The following MRPL28 variants were observed in gnomAD, a reference collection of about 807,000 sequenced individuals.
MRPL28 encodes the protein large ribosomal subunit protein bL28m.
MRPL28 carries 25 observed loss-of-function variants against 26.2 expected under a neutral mutation model. The observed-to-expected ratio is 0.95, with a 90% CI of 0.69 to 1.33. The LOEUF (loss-of-function observed/expected upper bound fraction) is 1.33. Among genes scored for constraint, MRPL28 ranks in the 40% most tolerant of loss-of-function variants. The pLI, the probability that MRPL28 is intolerant of heterozygous loss-of-function variation, is 0.00. For missense variants in MRPL28, 432 were observed against 327.2 expected (o/e 1.32, Z -2.47); for synonymous variants, 227 against 140.1 (o/e 1.62, Z -4.38).
rs766700564 is a variant in MRPL28 at position 370,083 on chromosome 16, G to A, written c.136C>T (p.His46Tyr). 1.1e-5 allele frequency: 17 copies of A among 1,612,056 alleles called. No individual in the cohort carries two copies. Among genetic ancestry groups the A allele is most frequent in the Non-Finnish European group, 1.1e-5 (13 of 1,179,524 alleles). Residue 46 changes from histidine to tyrosine, a missense_variant, in exon 2 of 6, where the codon CAT becomes TAT. Physicochemically the swap from His to Tyr is moderately conservative, Grantham distance 83. Coordinates refer to ENST00000199706, the MANE Select transcript of MRPL28 (RefSeq NM_006428.5). ...RTPTPVHYRP[H>Y]GAKFKINPKN... Reference sequence around the variant, plus strand: ...GGGTTGATCTTGAACTTGGCCCCATGAGGCCTATAGTGCACGGGAGTGGGC... The same window carrying A: ...GGGTTGATCTTGAACTTGGCCCCATAAGGCCTATAGTGCACGGGAGTGGGC...
In MRPL28 at chr16:370,115, T is replaced by A; in HGVS notation, c.104A>T (p.Glu35Val). 6.2e-7 allele frequency: 1 copy of A among 1,609,496 alleles called. No individual in the cohort carries two copies. Among genetic ancestry groups the A allele is most frequent in the East Asian group, 2.2e-5 (1 of 44,760 alleles). ...PGHYLRSLEE[E>V]RTPTPVHYRP... ...ATAGTGCACGGGAGTGGGCGTCCGC[T>A]CCTCCTCCAGGGAGCGCAGGTAGTG... The change falls in exon 2 of 6, where the codon GAG (glutamate) becomes GTG (valine). Residue 35 changes from glutamate to valine, a missense_variant. Transcript: ENST00000199706.
At chr16:368,865 C>T in intron 3 of MRPL28, 1 of 980,098 alleles carries the variant, frequency 1.0e-6, no homozygotes, top group Non-Finnish European at 1.5e-6. Context: ...GCAAGTCAGC[C>T]ACCCACAGAG....
In MRPL28 at chr16:367,728, G is replaced by A. The variant is rs773547084; in HGVS notation, c.718C>T (p.Gln240Ter). The A allele has an allele frequency of 1.4e-5, 22 of 1,613,762 alleles. No homozygotes were observed. The highest frequency in any genetic ancestry group is 1.9e-5 in the Non-Finnish European group (22 of 1,180,036). Residue 240 changes from glutamine (Q) to a stop codon, truncating the protein, a stop_gained, in exon 6 of 6, where the codon CAG becomes TAG. Transcript: ENST00000199706. LOFTEE classifies it high-confidence loss of function. The part of the protein sequence containing the change: ...YVAELIQQLQ[Q>*]QALSEPAVVQ... ...ACCGCCGGCTCTGACAGTGCCTGCT[G>A]CTGCAGCTGCTGGATCAGCTCCGCC...
intron 1 of MRPL28, 87 bp from the exon 2 acceptor site, chr16:370,312 G>GCTACCCCGGCCCCCGGCTCTCACCTC (rs2054314066): frequency 1.9e-6 from 1 of 536,866 alleles, no homozygotes; most frequent in Non-Finnish European, 2.3e-6. Context: ...ACTCTCACCC[G>GCTACCCCGGCCCCCGGCTCTCACCTC]CTACCCCGGC....
Position 370,159 on chromosome 16 carries a change from G to A in MRPL28, c.60C>T (p.Ile20=). 6 of 1,601,676 alleles carry A rather than the reference G, an allele frequency of 3.7e-6. No individual in the cohort carries two copies. Among genetic ancestry groups the A allele is most frequent in the Non-Finnish European group, 4.2e-6 (5 of 1,176,480 alleles). ...LWKRLQLREG[I]CSRLPGHYLR... ...GGTAGTGGCCGGGCAGGCGGGAACA[G>A]ATGCCCTCCCGCAGCTGCAGCCGCT... The change falls in exon 2 of 6, where the codon ATC becomes ATT. Residue 20 remains isoleucine (I), a synonymous_variant. Coordinates refer to ENST00000199706, the MANE Select transcript of MRPL28 (RefSeq NM_006428.5).
intron 3 of MRPL28, chr16:368,863 G>A (rs917913686): frequency 6.1e-6 from 6 of 976,794 alleles, no homozygotes; most frequent in Non-Finnish European, 8.8e-6. Context: ...GGGCAAGTCA[G>A]CCACCCACAG....
Position 367,316 on chromosome 16 carries a change from A to C in MRPL28, c.*359T>G, listed in dbSNP as rs2054267899. 1 of 613,762 alleles carries C rather than the reference A, an allele frequency of 1.6e-6. No individual in the cohort carries two copies. Among genetic ancestry groups the C allele is most frequent in the African/African-American group, 1.8e-5 (1 of 54,404 alleles). 38.0% of individuals were successfully genotyped at this position (613,762 alleles called of 1,614,324 possible). A position where few individuals can be genotyped will look rare whatever the true frequency, so the allele number is the denominator to read the frequency against. On this transcript the variant is annotated 3_prime_UTR_variant, in exon 6 of 6. Transcript: ENST00000199706. Reference sequence around the variant, plus strand: ...ATGCCCACGGCTCATCCGAGGTCTCAGGGGCAGCAAGGGCAGGGGTGACAG... The same window carrying C: ...ATGCCCACGGCTCATCCGAGGTCTCCGGGGCAGCAAGGGCAGGGGTGACAG...
intron 5 of MRPL28, 125 bp downstream of exon 5, chr16:368,203 C>T: frequency 1.8e-6 from 2 of 1,131,078 alleles, no homozygotes; most frequent in Non-Finnish European, 2.6e-6. Flanking sequence ...TGCAGAGCAG[C>T]AGCTCTTCCC....
chr16:368,154 G>C lies in MRPL28; in HGVS notation c.663+174C>G, dbSNP rs150051846. Among the ~76,000 whole-genome samples, 1,334 of 152,312 alleles carry C rather than the reference G, an allele frequency of 8.8e-3. 23 individuals carry two copies. Among genetic ancestry groups the C allele is most frequent in the African/African-American group, 0.03 (1,251 of 41,554 alleles). Reference sequence around the variant, plus strand: ...CTGGGACAGAACAGGGTGGGGACTTGGAGGGGAGGGAGCGGGCCATGCTCC... The same window carrying C: ...CTGGGACAGAACAGGGTGGGGACTTCGAGGGGAGGGAGCGGGCCATGCTCC... On this transcript the variant is annotated intron_variant, in intron 5 of 5. Transcript: ENST00000199706.
chr16:367,803 T>C (rs1387607250), intron 5 of MRPL28, 21 bp from the exon 6 acceptor site: 2 of 1,601,666 alleles, frequency 1.2e-6, no homozygotes, highest in Non-Finnish European at 1.7e-6. Context: ...GAGGGGCTCA[T>C]GGTGAGGCCA....
intron 2 of MRPL28, chr16:369,639 C>G (rs199621003): frequency 1.3e-4 from 87 of 682,926 alleles, no homozygotes; most frequent in African/African-American, 2.7e-4. Context: ...TCGCCTCTCC[C>G]ACCTGCTCTG....
In MRPL28 at chr16:367,088, C is replaced by G. The variant is rs1405828634; in HGVS notation, c.*587G>C. ...ACATGATAGCGGGGTGCCTGTAATC[C>G]CAGCTACTCAGGAGGCTGAGACAGG... On this transcript the variant is annotated 3_prime_UTR_variant, in exon 6 of 6. Transcript: ENST00000199706. Among the ~76,000 whole-genome samples, 1 of 152,100 alleles carries G rather than the reference C, an allele frequency of 6.6e-6. No individual in the cohort carries two copies. Among genetic ancestry groups the G allele is most frequent in the East Asian group, 1.9e-4 (1 of 5,190 alleles).
chr16:368,564 C>G lies in MRPL28; in HGVS notation c.513G>C (p.Arg171=). Reference sequence around the variant, plus strand: ...CCTCGGGGTGCAGCTGGGGGTCCTGCCGGGCAAGCCGCAGCAGCATCCCTC... The same window carrying G: ...CCTCGGGGTGCAGCTGGGGGTCCTGGCGGGCAAGCCGCAGCAGCATCCCTC... ...LKRGMLLRLA[R]QDPQLHPEDP... Residue 171 remains arginine (R), a synonymous_variant, in exon 4 of 6, where the codon CGG becomes CGC. Transcript: ENST00000199706. 3.1e-6 allele frequency: 5 copies of G among 1,597,388 alleles called. No individual in the cohort carries two copies. The highest frequency in any genetic ancestry group is 4.3e-6 in the Non-Finnish European group (5 of 1,170,080).
intron 5 of MRPL28, 83 bp from the exon 6 acceptor site, chr16:367,865 G>A (rs2054274773): frequency 4.2e-6 from 5 of 1,202,986 alleles, no homozygotes; most frequent in African/African-American, 1.5e-5. Context: ...AGCAGCTGCC[G>A]CCCAGAGGAA....
intron 2 of MRPL28, 116 bp downstream of exon 2, chr16:369,815 T>G: frequency 7.6e-7 from 1 of 1,323,208 alleles, no homozygotes; most frequent in Non-Finnish European, 1.0e-6. Context: ...ATGTGTCGCC[T>G]CCAGGCTGTA....
rs765524332 is a variant in MRPL28 at position 370,176 on chromosome 16, G to A, written c.43C>T (p.Gln15Ter). 3 of 1,599,226 alleles carry A rather than the reference G, an allele frequency of 1.9e-6. No homozygotes were observed. Among genetic ancestry groups the A allele is most frequent in the Non-Finnish European group, 2.6e-6 (3 of 1,176,402 alleles). The change falls in exon 2 of 6, where the codon CAG (glutamine) becomes TAG (stop). Residue 15 changes from glutamine to a stop codon, truncating the protein, a stop_gained. Transcript: ENST00000199706. LOFTEE classifies it high-confidence loss of function. The stretch of plus-strand genomic sequence containing the variant: ...CGGGAACAGATGCCCTCCCGCAGCT[G>A]CAGCCGCTTCCAGAGCCACACGGGA... Reference protein sequence around the residue: ...KYPVWLWKRLQLREGICSRLP... With the variant: ...KYPVWLWKRL
At chr16:367,882 C>T in intron 5 of MRPL28, 100 bp from the exon 6 acceptor site, 1 of 992,414 alleles carries the variant, frequency 1.0e-6, no homozygotes, top group Non-Finnish European at 1.5e-6. Context: ...GGAACCGGGG[C>T]ATGAGAGGCC....
chr16:369,724 A>T, intron 2 of MRPL28: 1 of 757,318 alleles, frequency 1.3e-6, no homozygotes, highest in Non-Finnish European at 2.3e-6. Context: ...CCCCGGCCTG[A>T]GTCACCCCAC....
Position 370,174 on chromosome 16 carries a change from C to A in MRPL28, c.45G>T (p.Gln15His). 6.3e-7 allele frequency: 1 copy of A among 1,599,276 alleles called. No homozygotes were observed. ...GGCGGGAACAGATGCCCTCCCGCAG[C>A]TGCAGCCGCTTCCAGAGCCACACGG... ...KYPVWLWKRL[Q>H]LREGICSRLP... is the part of the protein sequence containing the mutation. Residue 15 changes from glutamine (Q) to histidine (H), a missense_variant, in exon 2 of 6, where the codon CAG (glutamine) becomes CAT (histidine). Gln to His is a conservative substitution (Grantham distance 24, BLOSUM62 0). Transcript: ENST00000199706.
Sources: gnomAD v4.1 joint callset for allele counts (sites outside exome capture counted in the v4.1 genomes callset) on GRCh38, gnomAD v4.1.1 for gene constraint, MANE v1.5 for transcripts, NCBI Gene and HGNC (gene_info 2026-07-23, HGNC 2026-07-21) for gene names.